Variants in DGKB observed in about 807,000 individuals in gnomAD.
The protein encoded by DGKB is diacylglycerol kinase beta, also known as 90 kDa diacylglycerol kinase.
A neutral mutation model predicts 114.3 loss-of-function variants in DGKB; 67 were observed. The ratio of observed to expected loss-of-function variants is 0.59; its 90% CI spans 0.48 to 0.72. The LOEUF is 0.72. DGKB is among the 30% of genes least tolerant of loss of function. The pLI, the probability that DGKB is intolerant of heterozygous loss-of-function variation, is 0.00. For synonymous variants in DGKB, 398 were observed against 323.1 expected (o/e 1.23, Z -2.49); for missense variants, 907 against 975.2 (o/e 0.93, Z 0.93).
intron 15 of DGKB, among the ~76,000 whole-genome samples, chr7:14,615,768 T>C (rs573429369): frequency 7.4e-4 from 113 of 151,860 alleles, no homozygotes; most frequent in African/African-American, 2.3e-3. Context: ...ATATAAAGTA[T>C]GAGATAAGTA....
intron 6 of DGKB, among the ~76,000 whole-genome samples, chr7:14,713,746 T>C (rs1270238279): frequency 6.6e-6 from 1 of 151,980 alleles, no homozygotes; most frequent in East Asian, 1.9e-4. Context: ...GGGAAGTAAC[T>C]TTTAACATGT....
chr7:14,765,063 A>C (rs1228123258), intron 2 of DGKB, among the ~76,000 whole-genome samples: 1 of 152,034 alleles, frequency 6.6e-6, no homozygotes, highest in African/African-American at 2.4e-5. Flanking sequence ...ATATGGAACT[A>C]TTGTTAAAAA....
chr7:14,385,314 T>G (rs10245285), intron 21 of DGKB, among the ~76,000 whole-genome samples: 70,640 of 152,002 alleles, frequency 0.46, 18,376 homozygotes, highest in East Asian at 0.58. Flanking sequence ...CTCCAGGATA[T>G]TAATGGCACT....
chr7:14,457,756 C>G (rs1377472627), intron 21 of DGKB, among the ~76,000 whole-genome samples: 1 of 152,176 alleles, frequency 6.6e-6, no homozygotes, highest in African/African-American at 2.4e-5. Flanking sequence ...CTTTGACCTC[C>G]TATGACAGAT....
intron 23 of DGKB, among the ~76,000 whole-genome samples, chr7:14,183,807 A>T (rs1417364916): frequency 6.6e-6 from 1 of 152,192 alleles, no homozygotes; most frequent in Non-Finnish European, 1.5e-5. Context: ...GGCGGACAGG[A>T]GGCAGGACTA....
At chr7:14,207,613 G>T (rs561796586) in intron 23 of DGKB, among the ~76,000 whole-genome samples, 1 of 152,112 alleles carries the variant, frequency 6.6e-6, no homozygotes, top group African/African-American at 2.4e-5. Context: ...GAGAGATTTT[G>T]GGGGTAACTA....
rs78534256 is a variant in DGKB at position 14,526,283 on chromosome 7, C to T, written c.1770+47929G>A. Among the ~76,000 whole-genome samples the T allele has an allele frequency of 6.8e-4, 103 of 152,168 alleles. 1 individual carries two copies. The East Asian group carries it at 0.02, about 29-fold the overall frequency. ...GGGGGCTATACAGTATTGCACATTACAAGATGTTTGGCAATATCCCTGGTC... is the reference window on the plus strand; with the variant it reads ...GGGGGCTATACAGTATTGCACATTATAAGATGTTTGGCAATATCCCTGGTC... On this transcript the variant is annotated intron_variant, in intron 20 of 25. Transcript: ENST00000402815.
intron 2 of DGKB, among the ~76,000 whole-genome samples, chr7:14,804,768 G>C (rs536725963): frequency 2.6e-5 from 4 of 151,982 alleles, no homozygotes; most frequent in African/African-American, 9.6e-5. Context: ...TAATCTCTTT[G>C]ATTGTTTCCA....
chr7:14,269,921 C>T (rs1022196781), intron 23 of DGKB, among the ~76,000 whole-genome samples: 2 of 151,790 alleles, frequency 1.3e-5, no homozygotes, highest in African/African-American at 4.8e-5. Flanking sequence ...GCCTGTAACA[C>T]TTCATAAAAT....
At chr7:14,271,162 AT>A (rs1451988295) in intron 23 of DGKB, among the ~76,000 whole-genome samples, 1 of 152,192 alleles carries the variant, frequency 6.6e-6, no homozygotes, top group Non-Finnish European at 1.5e-5. Flanking sequence ...TATAAGACTC[AT>A]ATCTTTTTCA....
chr7:14,536,332 G>A (rs1029343372), intron 20 of DGKB, among the ~76,000 whole-genome samples: 3 of 152,070 alleles, frequency 2.0e-5, no homozygotes, highest in Non-Finnish European at 4.4e-5. Context: ...ACAAAGTAAT[G>A]ACACTACAAG....
chr7:14,696,532 A>C (rs917416149), intron 8 of DGKB, among the ~76,000 whole-genome samples: 2 of 135,766 alleles, frequency 1.5e-5, no homozygotes, highest in Non-Finnish European at 3.2e-5. Flanking sequence ...AAAAAAAAAA[A>C]AGAAACCTGA....
intron 21 of DGKB, among the ~76,000 whole-genome samples, chr7:14,406,292 T>C (rs6971925): frequency 0.98 from 148,348 of 152,098 alleles, 72,444 homozygotes; most frequent in Non-Finnish European, 1. Context: ...AGAAATTGAC[T>C]TGAGAGCAAG....
intron 23 of DGKB, among the ~76,000 whole-genome samples, chr7:14,310,667 G>C (rs1259269032): frequency 6.6e-6 from 1 of 152,148 alleles, no homozygotes; most frequent in Non-Finnish European, 1.5e-5. Context: ...GAAGATGACT[G>C]ATAAAGTAGA....
chr7:14,654,776 G>A (rs1815420181), intron 13 of DGKB, among the ~76,000 whole-genome samples: 1 of 151,750 alleles, frequency 6.6e-6, no homozygotes, highest in South Asian at 2.1e-4. Context: ...CATACACTGG[G>A]GAAAAGACAC....
chr7:14,162,479 A>G (rs1406084800), intron 25 of DGKB, among the ~76,000 whole-genome samples: 1 of 152,166 alleles, frequency 6.6e-6, no homozygotes, highest in African/African-American at 2.4e-5. Flanking sequence ...AAGGTATTAC[A>G]TATCTGGCAT....
intron 23 of DGKB, among the ~76,000 whole-genome samples, chr7:14,178,814 A>T (rs1479926938): frequency 4.6e-5 from 7 of 151,426 alleles, no homozygotes; most frequent in African/African-American, 1.2e-4. Context: ...TTATTATTAA[A>T]TTTTTTTTTA....
intron 1 of DGKB, among the ~76,000 whole-genome samples, chr7:14,917,208 T>C (rs928638530): frequency 1.3e-5 from 2 of 151,982 alleles, no homozygotes; most frequent in Non-Finnish European, 2.9e-5. Flanking sequence ...AACAATCAAG[T>C]CTTCCATCTT....
At chr7:14,557,778 G>A (rs564239888) in intron 20 of DGKB, among the ~76,000 whole-genome samples, 5 of 150,918 alleles carry the variant, frequency 3.3e-5, no homozygotes, top group Non-Finnish European at 5.9e-5. Flanking sequence ...TAATTTTTTG[G>A]TGTTACTTGG....
Sources: gnomAD v4.1 joint callset for allele counts (sites outside exome capture counted in the v4.1 genomes callset) on GRCh38, gnomAD v4.1.1 for gene constraint, MANE v1.5 for transcripts, NCBI Gene and HGNC (gene_info 2026-07-23, HGNC 2026-07-21) for gene names.